The following CNGB1 variants were observed in gnomAD, a reference collection of about 807,000 sequenced individuals.
The protein encoded by CNGB1 is cyclic nucleotide-gated channel beta-1.
In CNGB1, 126 loss-of-function variants were observed where a neutral mutation model predicts 151.7. The ratio of observed to expected loss-of-function variants is 0.83; its 90% CI spans 0.72 to 0.96. The LOEUF (loss-of-function observed/expected upper bound fraction) is 0.96, where lower values mean the gene tolerates loss of function less well. CNGB1 is among the 40% of genes least tolerant of loss of function. CNGB1 has a pLI of 0.00. For synonymous variants in CNGB1, 623 were observed against 635.1 expected (o/e 0.98, Z 0.29); for missense variants, 1,698 against 1,627.0 (o/e 1.04, Z -0.75).
intron 27 of CNGB1, 97 bp downstream of exon 27, chr16:57,903,725 A>C (rs1489954642): frequency 1.4e-6 from 2 of 1,395,002 alleles, no homozygotes; most frequent in Non-Finnish European, 2.0e-6. Flanking sequence ...CCTCAGAGAC[A>C]CAGAGGACGA....
intron 25 of CNGB1, 87 bp downstream of exon 25, chr16:57,911,666 G>C: frequency 6.3e-7 from 1 of 1,579,472 alleles, no homozygotes; most frequent in Non-Finnish European, 8.6e-7. Flanking sequence ...GCAGCAATAA[G>C]ACTCCTTCCT....
intron 12 of CNGB1, among the ~76,000 whole-genome samples, chr16:57,953,107 T>C (rs1204785591): frequency 6.6e-6 from 1 of 152,104 alleles, no homozygotes; most frequent in East Asian, 1.9e-4. Flanking sequence ...CTAGTTCCCA[T>C]AGAAACTGCC....
At chr16:57,960,134 A>T in intron 9 of CNGB1, 69 bp from the exon 10 acceptor site, 1 of 1,529,456 alleles carries the variant, frequency 6.5e-7, no homozygotes, top group Non-Finnish European at 8.7e-7. Context: ...CCTCAAGGGC[A>T]CGGGGCCAGA....
intron 14 of CNGB1, among the ~76,000 whole-genome samples, chr16:57,941,375 GTC>G (rs1418681821): frequency 6.6e-6 from 1 of 152,202 alleles, no homozygotes; most frequent in Non-Finnish European, 1.5e-5. Context: ...AGAGGGCCAA[GTC>G]TCAGCCCTCC....
At chr16:57,969,562 C>G (rs1392953152) in intron 1 of CNGB1, among the ~76,000 whole-genome samples, 1 of 152,072 alleles carries the variant, frequency 6.6e-6, no homozygotes, top group Non-Finnish European at 1.5e-5. Context: ...AGATTGCACT[C>G]AGCCATTGCA....
chr16:57,921,709 A>G (rs9922949), intron 18 of CNGB1, among the ~76,000 whole-genome samples: 18,720 of 152,206 alleles, frequency 0.12, 3,419 homozygotes, highest in African/African-American at 0.4. Context: ...GGGCCTCCTT[A>G]CTGAAGACAG....
chr16:57,958,625 C>T (rs1457402371), intron 10 of CNGB1, 140 bp from the exon 11 acceptor site: 3 of 699,754 alleles, frequency 4.3e-6, no homozygotes, highest in Admixed American at 4.3e-5. Flanking sequence ...AGGTCTCCAG[C>T]CCTGAAGACC....
intron 31 of CNGB1, 94 bp downstream of exon 31, chr16:57,897,303 A>G: frequency 1.6e-6 from 1 of 635,424 alleles, no homozygotes; most frequent in Non-Finnish European, 2.3e-6. Context: ...TGTCATCTCA[A>G]AAAAAAAAAA....
chr16:57,884,062 C>G lies in CNGB1; in HGVS notation c.*102G>C. 1 of 1,550,474 alleles carries G rather than the reference C, an allele frequency of 6.4e-7. No homozygotes were observed. The highest frequency in any genetic ancestry group is 8.9e-7 in the Non-Finnish European group (1 of 1,123,296). On this transcript the variant is annotated 3_prime_UTR_variant, in exon 33 of 33. Coordinates refer to ENST00000251102, the MANE Select transcript of CNGB1 (RefSeq NM_001297.5). The stretch of plus-strand genomic sequence containing the variant: ...GGTCACGACTACGGAAAAGCATCTT[C>G]TCTTGAGCCGTGGGGGAAGGTGGGG...
intron 14 of CNGB1, among the ~76,000 whole-genome samples, chr16:57,941,236 G>A (rs1168081155): frequency 1.3e-5 from 2 of 152,146 alleles, no homozygotes; most frequent in African/African-American, 4.8e-5. Flanking sequence ...TGTGATTTTT[G>A]TAGTTAGGAT....
chr16:57,927,988 C>T (rs1310676066), intron 17 of CNGB1, among the ~76,000 whole-genome samples: 4 of 152,246 alleles, frequency 2.6e-5, no homozygotes, highest in Admixed American at 2.6e-4. Flanking sequence ...GCCATCTCCA[C>T]TCTGACAGCC....
In CNGB1 at chr16:57,903,844, G is replaced by C; in HGVS notation, c.2772C>G (p.Thr924=). Reference sequence around the variant, plus strand: ...TACCCAGCATGCCTTGCGAGTGCCAGGTGTACTCGTACCAGGTCTTGACGC... The same window carrying C: ...TACCCAGCATGCCTTGCGAGTGCCACGTGTACTCGTACCAGGTCTTGACGC... ...QNRVKTWYEY[T]WHSQGMLDES... The change falls in exon 27 of 33, where the codon ACC becomes ACG. Residue 924 remains threonine, a synonymous_variant. Coordinates refer to ENST00000251102, the MANE Select transcript of CNGB1 (RefSeq NM_001297.5). 1 of 1,614,162 alleles carries C rather than the reference G, an allele frequency of 6.2e-7. No individual in the cohort carries two copies. Among genetic ancestry groups the C allele is most frequent in the Admixed American group, 1.7e-5 (1 of 60,032 alleles).
At chr16:57,899,817 A>C (rs1409552235) in intron 29 of CNGB1, among the ~76,000 whole-genome samples, 3 of 152,186 alleles carry the variant, frequency 2.0e-5, no homozygotes, top group South Asian at 4.1e-4. Flanking sequence ...GTTTGACAAG[A>C]GTGAAAGGGT....
chr16:57,962,065 G>A (rs867438135), intron 7 of CNGB1, among the ~76,000 whole-genome samples: 5 of 152,222 alleles, frequency 3.3e-5, no homozygotes, highest in Non-Finnish European at 7.3e-5. Flanking sequence ...GGAAGAGGCA[G>A]TTGAAACCAA....
At chr16:57,935,594 G>T (rs1242497416) in intron 16 of CNGB1, among the ~76,000 whole-genome samples, 1 of 151,900 alleles carries the variant, frequency 6.6e-6, no homozygotes, top group African/African-American at 2.4e-5. Flanking sequence ...GTTGCAGTGA[G>T]CCGAGATGGT....
intron 12 of CNGB1, among the ~76,000 whole-genome samples, chr16:57,952,766 G>T (rs1392578500): frequency 2.0e-5 from 3 of 152,114 alleles, no homozygotes; most frequent in Non-Finnish European, 4.4e-5. Flanking sequence ...CTCCCAAAGT[G>T]CTGGGATGAC....
intron 4 of CNGB1, 94 bp from the exon 5 acceptor site, chr16:57,963,158 G>T (rs1341350105): frequency 1.1e-6 from 1 of 930,674 alleles, no homozygotes; most frequent in Non-Finnish European, 1.8e-6. Flanking sequence ...CTGTCCCTGA[G>T]TGTCACTGTC....
At chr16:57,958,984 G>A (rs1446894358) in intron 10 of CNGB1, among the ~76,000 whole-genome samples, 4 of 147,096 alleles carry the variant, frequency 2.7e-5, no homozygotes, top group African/African-American at 1.0e-4. Context: ...GCCCAGGCTG[G>A]TCTCGAACTC....
rs200202348 is a variant in CNGB1 at position 57,897,511 on chromosome 16, G to A, written c.3128C>T (p.Thr1043Met). Residue 1043 changes from threonine to methionine, a missense_variant, in exon 31 of 33, where the codon ACG becomes ATG. By Grantham distance (81) the Thr-to-Met change is moderately conservative. Coordinates refer to ENST00000251102, the MANE Select transcript of CNGB1 (RefSeq NM_001297.5). ...AAACCCGTGCGCCACCACGTTGGCC[G>A]TGCGCCGGTTCCCGCCCCCAACAGC... Reference protein sequence around the residue: ...LLAVGGGNRRTANVVAHGFTN... With the variant: ...LLAVGGGNRRMANVVAHGFTN... 101 of 1,614,110 alleles carry A rather than the reference G, an allele frequency of 6.3e-5. No individual in the cohort carries two copies. Among genetic ancestry groups the A allele is most frequent in the Admixed American group, 2.5e-4 (15 of 60,014 alleles).
Sources: allele counts gnomAD v4.1 joint callset (sites outside exome capture counted in the v4.1 genomes callset), GRCh38; gene constraint gnomAD v4.1.1; transcripts MANE v1.5; gene names NCBI Gene and HGNC (gene_info 2026-07-23, HGNC 2026-07-21).